Variants in WWOX observed in about 807,000 individuals in gnomAD.
WWOX encodes WW domain-containing oxidoreductase.
In WWOX, 69 loss-of-function variants were observed where a neutral mutation model predicts 46.2. The observed-to-expected ratio is 1.49, with a 90% CI of 1.23 to 1.82. The LOEUF is 1.82. Ranked by LOEUF, WWOX falls within the 40% of genes most tolerant of loss-of-function variation. The pLI is 0.00. For missense variants in WWOX, 919 were observed against 542.6 expected (o/e 1.69, Z -6.89); for synonymous variants, 359 against 202.6 (o/e 1.77, Z -6.56).
chr16:78,412,455 T>C (rs1407899673), intron 6 of WWOX, among the ~76,000 whole-genome samples: 1 of 152,168 alleles, frequency 6.6e-6, no homozygotes, highest in African/African-American at 2.4e-5. Context: ...GCGATTTTGT[T>C]CGGAGTCATG....
intron 2 of WWOX, among the ~76,000 whole-genome samples, chr16:78,108,937 A>G (rs1291294920): frequency 1.3e-5 from 2 of 152,176 alleles, no homozygotes; most frequent in Non-Finnish European, 2.9e-5. Flanking sequence ...GCAGTGAGCC[A>G]AGATCACACC....
intron 8 of WWOX, among the ~76,000 whole-genome samples, chr16:79,021,826 A>G (rs1301174682): frequency 2.0e-5 from 3 of 152,220 alleles, no homozygotes; most frequent in African/African-American, 7.2e-5. Flanking sequence ...ACTAGCTTGT[A>G]GCTTGTTCAA....
intron 5 of WWOX, among the ~76,000 whole-genome samples, chr16:78,361,011 C>A (rs940041731): frequency 3.3e-5 from 5 of 152,032 alleles, no homozygotes; most frequent in Non-Finnish European, 7.4e-5. Flanking sequence ...TTTATCAAGG[C>A]AGGGTTTCAT....
At chr16:78,806,630 G>T (rs1315733724) in intron 8 of WWOX, among the ~76,000 whole-genome samples, 1 of 152,096 alleles carries the variant, frequency 6.6e-6, no homozygotes, top group East Asian at 1.9e-4. Flanking sequence ...TGGCGGCTGG[G>T]TTCCAAGGGT....
chr16:78,694,668 C>G (rs2048062371), intron 8 of WWOX, among the ~76,000 whole-genome samples: 1 of 152,166 alleles, frequency 6.6e-6, no homozygotes, highest in Admixed American at 6.6e-5. Context: ...ACTGACATGG[C>G]CTTCTAGACC....
Position 78,548,822 on chromosome 16 carries a change from G to A in WWOX, c.1056+116070G>A, listed in dbSNP as rs16948060. Among the ~76,000 whole-genome samples the A allele has an allele frequency of 9.9e-3, 1,508 of 152,126 alleles. 35 individuals carry two copies. Among genetic ancestry groups the A allele is most frequent in the African/African-American group, 0.035 (1,431 of 41,470 alleles). On this transcript the variant is annotated intron_variant, in intron 8 of 8. Transcript: ENST00000566780. ...GCCTTCATTTCAATATTTGCCTTTT[G>A]GCTGCAGCCCGTTAACTGGTCACAT...
intron 5 of WWOX, among the ~76,000 whole-genome samples, chr16:78,241,526 C>G (rs558160903): frequency 1.3e-5 from 2 of 152,192 alleles, no homozygotes; most frequent in African/African-American, 4.8e-5. Context: ...CCTCTTGAAG[C>G]TGGGGAAGTT....
intron 8 of WWOX, among the ~76,000 whole-genome samples, chr16:78,554,964 T>G (rs1248839738): frequency 6.6e-6 from 1 of 152,068 alleles, no homozygotes; most frequent in African/African-American, 2.4e-5. Context: ...CACAAAGCAC[T>G]GAGTAAGAAG....
At chr16:78,899,314 A>G (rs570498658) in intron 8 of WWOX, 1 of 152,272 alleles carries the variant, frequency 6.6e-6, no homozygotes, top group Non-Finnish European at 1.5e-5. Context: ...TATTCTTACT[A>G]TCTGCATATT....
intron 8 of WWOX, among the ~76,000 whole-genome samples, chr16:78,953,116 G>T (rs578150993): frequency 3.9e-5 from 6 of 151,934 alleles, no homozygotes; most frequent in African/African-American, 1.4e-4. Flanking sequence ...TCAATCATCA[G>T]TGACCACTCC....
At chr16:78,605,231 C>G (rs1251908049) in intron 8 of WWOX, among the ~76,000 whole-genome samples, 5 of 151,440 alleles carry the variant, frequency 3.3e-5, no homozygotes, top group Non-Finnish European at 1.5e-5. Flanking sequence ...CATTGTTTCC[C>G]CATAATTTTT....
At chr16:78,752,129 A>G (rs563141906) in intron 8 of WWOX, among the ~76,000 whole-genome samples, 3 of 152,362 alleles carry the variant, frequency 2.0e-5, no homozygotes, top group Non-Finnish European at 2.9e-5. Flanking sequence ...AATCCATAAA[A>G]GAGTATCTCT....
At chr16:78,480,054 A>G (rs1325669021) in intron 8 of WWOX, among the ~76,000 whole-genome samples, 2 of 152,226 alleles carry the variant, frequency 1.3e-5, no homozygotes, top group East Asian at 3.9e-4. Flanking sequence ...GGTGGATTAC[A>G]GAATTGTGCT....
intron 6 of WWOX, among the ~76,000 whole-genome samples, chr16:78,395,469 G>C (rs1001972173): frequency 6.6e-6 from 1 of 152,130 alleles, no homozygotes; most frequent in Admixed American, 6.5e-5. Context: ...CCATGATCAT[G>C]CTACTGCACT....
intron 5 of WWOX, among the ~76,000 whole-genome samples, chr16:78,198,292 A>G (rs552569895): frequency 2.0e-5 from 3 of 150,208 alleles, no homozygotes; most frequent in East Asian, 4.1e-4. Flanking sequence ...TACCAGAGGA[A>G]TTAGAATGAA....
intron 4 of WWOX, among the ~76,000 whole-genome samples, chr16:78,121,118 CCTTT>C (rs1213348525): frequency 6.6e-6 from 1 of 152,078 alleles, no homozygotes; most frequent in Non-Finnish European, 1.5e-5. Flanking sequence ...TGATTAGTTT[CCTTT>C]CTGATTGTTG....
chr16:78,721,814 C>A (rs538356213), intron 8 of WWOX, among the ~76,000 whole-genome samples: 1 of 152,166 alleles, frequency 6.6e-6, no homozygotes, highest in Non-Finnish European at 1.5e-5. Flanking sequence ...TCCTTTCCTA[C>A]GAATAAAGAG....
chr16:79,185,113 A>G (rs1216244359), intron 8 of WWOX, among the ~76,000 whole-genome samples: 4 of 152,210 alleles, frequency 2.6e-5, no homozygotes, highest in Non-Finnish European at 4.4e-5. Flanking sequence ...TTACTGAACT[A>G]TTGAATTGAG....
Position 78,996,341 on chromosome 16 carries a change from A to G in WWOX, c.1057-215267A>G, listed in dbSNP as rs184051143. On this transcript the variant is annotated intron_variant, in intron 8 of 8. Coordinates refer to ENST00000566780, the MANE Select transcript of WWOX (RefSeq NM_016373.4). ...TCTACCGTGACAGAAGATAGAAAGG[A>G]TGAAATAGAAAGAGTGTGAGTGAAT... is the stretch of plus-strand genomic sequence containing the variant. 278 of 978,574 alleles carry G rather than the reference A, an allele frequency of 2.8e-4. 1 individual carries two copies. The African/African-American group carries it at 3.8e-3, about 13-fold the overall frequency. 60.6% of individuals were successfully genotyped at this position (978,574 alleles called of 1,614,324 possible).
Sources: gnomAD v4.1 joint callset for allele counts (sites outside exome capture counted in the v4.1 genomes callset) on GRCh38, gnomAD v4.1.1 for gene constraint, MANE v1.5 for transcripts, NCBI Gene and HGNC (gene_info 2026-07-23, HGNC 2026-07-21) for gene names.